Variants in RNF2 observed in about 807,000 individuals in gnomAD.
RNF2 encodes ring finger protein 2.
RNF2 carries 6 observed loss-of-function variants against 37.2 expected under a neutral mutation model. That is an observed-to-expected ratio of 0.16 (90% CI 0.09 to 0.32). RNF2 has a LOEUF of 0.32. Ranked by LOEUF, RNF2 falls within the 10% of genes least tolerant of loss-of-function variation. RNF2 has a pLI of 1.00. For missense variants in RNF2, 251 were observed against 404.0 expected (o/e 0.62, Z 3.25); for synonymous variants, 133 against 132.7 (o/e 1.00, Z -0.02).
chr1:185,063,370 T>G (rs550719691), intron 1 of RNF2, among the ~76,000 whole-genome samples: 6 of 152,330 alleles, frequency 3.9e-5, no homozygotes, highest in African/African-American at 1.2e-4. Flanking sequence ...TGTTTAAAAT[T>G]TCATCCAGAT....
At chr1:185,077,506 C>T (rs1406563112) in intron 1 of RNF2, among the ~76,000 whole-genome samples, 1 of 151,760 alleles carries the variant, frequency 6.6e-6, no homozygotes, top group Non-Finnish European at 1.5e-5. Flanking sequence ...CTTATTACGA[C>T]TTTTATTAGA....
intron 1 of RNF2, among the ~76,000 whole-genome samples, chr1:185,056,224 A>G (rs752910072): frequency 3.3e-4 from 50 of 151,920 alleles, no homozygotes; most frequent in Non-Finnish European, 5.9e-5. Flanking sequence ...AGATAACATT[A>G]TTAATGTCAG....
At chr1:185,091,818 CTTT>C (rs201420664) in intron 3 of RNF2, 79 bp downstream of exon 3, 1,157 of 1,050,104 alleles carry the variant, frequency 1.1e-3, no homozygotes, top group South Asian at 2.2e-3. Context: ...AATACATTTT[CTTT>C]TTTTTTTTTT....
At chr1:185,092,938 A>G (rs1651811293) in intron 3 of RNF2, 123 bp from the exon 4 acceptor site, 5 of 857,198 alleles carry the variant, frequency 5.8e-6, no homozygotes, top group East Asian at 2.7e-5. Context: ...ATTGGTTTAC[A>G]TTTCTGTGAC....
At chr1:185,083,252 C>T (rs1479432150) in intron 1 of RNF2, among the ~76,000 whole-genome samples, 3 of 151,986 alleles carry the variant, frequency 2.0e-5, no homozygotes, top group Non-Finnish European at 2.9e-5. Flanking sequence ...TAGATTTATT[C>T]GAAGGATTGT....
At position 185,055,087 on chromosome 1, in the gene RNF2, C is replaced by T. The variant is rs577312074; in HGVS notation, c.-3+9438C>T. 2.6e-5 allele frequency among the ~76,000 whole-genome samples: 4 copies of T among 152,350 alleles called. No individual in the cohort carries two copies. The East Asian group carries it at 7.7e-4, about 29-fold the overall frequency. Reference sequence around the variant, plus strand: ...TACACATGTAGGAACAAAACTATCACTTTGCAGATTGTTTAAATGACTAGG... The same window carrying T: ...TACACATGTAGGAACAAAACTATCATTTTGCAGATTGTTTAAATGACTAGG... On this transcript the variant is annotated intron_variant, in intron 1 of 6. Transcript: ENST00000367510.
Position 185,098,063 on chromosome 1 carries a change from C to T in RNF2, c.465-9C>T. ...AAATTTTATGCATCCTTTTTTCCCCCTTGACTAGACTGCAGCGAGGCAAGA... is the reference window on the plus strand; with the variant it reads ...AAATTTTATGCATCCTTTTTTCCCCTTTGACTAGACTGCAGCGAGGCAAGA... On this transcript the variant is annotated splice_polypyrimidine_tract_variant and intron_variant, in intron 4 of 6. Coordinates refer to ENST00000367510, the MANE Select transcript of RNF2 (RefSeq NM_007212.4). 1 of 1,611,990 alleles carries T rather than the reference C, an allele frequency of 6.2e-7. No individual in the cohort carries two copies. Among genetic ancestry groups the T allele is most frequent in the Non-Finnish European group, 8.5e-7 (1 of 1,178,786 alleles).
chr1:185,054,276 C>G (rs1650362493), intron 1 of RNF2, among the ~76,000 whole-genome samples: 1 of 152,190 alleles, frequency 6.6e-6, no homozygotes, highest in South Asian at 2.1e-4. Context: ...TGGCGGAAAA[C>G]GAACCCCCAG....
chr1:185,046,190 G>C (rs756044862), intron 1 of RNF2: 1 of 152,396 alleles, frequency 6.6e-6, no homozygotes, highest in South Asian at 2.1e-4. Flanking sequence ...TTCCAGTGTA[G>C]AGGAGCTCCT....
At position 185,054,671 on chromosome 1, in the gene RNF2, ATCTT is replaced by A. The variant is rs536142630; in HGVS notation, c.-3+9028_-3+9031del. 2.9e-3 allele frequency among the ~76,000 whole-genome samples: 434 copies of A among 152,132 alleles called. 3 individuals are homozygous for A. The highest frequency in any genetic ancestry group is 8.4e-3 in the African/African-American group (350 of 41,550). ...GACATGTCGCCTCAGTTTCTTTTTA[ATCTT>A]TCTTTGTGGGTTTTTTAAAATTTTT... is the stretch of plus-strand genomic sequence containing the variant. On this transcript the variant is annotated intron_variant, in intron 1 of 6. Coordinates refer to ENST00000367510, the MANE Select transcript of RNF2 (RefSeq NM_007212.4).
chr1:185,064,425 C>T (rs1650738536), intron 1 of RNF2, among the ~76,000 whole-genome samples: 1 of 152,106 alleles, frequency 6.6e-6, no homozygotes, highest in African/African-American at 2.4e-5. Flanking sequence ...AGATGGTCTC[C>T]AATTTACAGT....
At chr1:185,050,400 T>C (rs747413664) in intron 1 of RNF2, among the ~76,000 whole-genome samples, 53 of 152,364 alleles carry the variant, frequency 3.5e-4, no homozygotes, top group Non-Finnish European at 6.5e-4. Flanking sequence ...CCTGATTAAA[T>C]CCAATTTCAT....
intron 1 of RNF2, among the ~76,000 whole-genome samples, chr1:185,082,524 A>ATT (rs58437021): frequency 6.8e-6 from 1 of 146,256 alleles, no homozygotes; most frequent in African/African-American, 2.5e-5. Flanking sequence ...TAATTTTTTT[A>ATT]TTTTTTTTTT....
intron 4 of RNF2, among the ~76,000 whole-genome samples, chr1:185,096,903 T>C (rs1219297023): frequency 1.3e-5 from 2 of 152,014 alleles, no homozygotes; most frequent in Non-Finnish European, 2.9e-5. Context: ...TGTTATTTCT[T>C]TGTTCTGGCA....
intron 1 of RNF2, among the ~76,000 whole-genome samples, chr1:185,067,868 G>A (rs1027203868): frequency 1.9e-4 from 28 of 149,622 alleles, no homozygotes; most frequent in Non-Finnish European, 2.7e-4. Flanking sequence ...CTGCCACCAC[G>A]CCCAGCTAAT....
chr1:185,079,884 C>G (rs768356894), intron 1 of RNF2, among the ~76,000 whole-genome samples: 3 of 151,752 alleles, frequency 2.0e-5, no homozygotes, highest in African/African-American at 7.3e-5. Flanking sequence ...GAGCTGAGAT[C>G]GCGCCACTGC....
chr1:185,093,905 A>T (rs968964615), intron 4 of RNF2, among the ~76,000 whole-genome samples: 3 of 152,058 alleles, frequency 2.0e-5, no homozygotes, highest in African/African-American at 7.2e-5. Context: ...TATCTTACTC[A>T]GTTTCATAGT....
At chr1:185,092,914 G>A in intron 3 of RNF2, 147 bp from the exon 4 acceptor site, 1 of 754,422 alleles carries the variant, frequency 1.3e-6, no homozygotes, top group Non-Finnish European at 2.1e-6. Flanking sequence ...AGATTTTCAA[G>A]GAAATTCAGG....
chr1:185,098,646 G>A (rs1303749824), intron 5 of RNF2, among the ~76,000 whole-genome samples: 2 of 152,144 alleles, frequency 1.3e-5, no homozygotes, highest in African/African-American at 2.4e-5. Flanking sequence ...GAATGGCTAC[G>A]TTACCACTGT....
Sources: allele counts gnomAD v4.1 joint callset (sites outside exome capture counted in the v4.1 genomes callset), GRCh38; gene constraint gnomAD v4.1.1; transcripts MANE v1.5; gene names NCBI Gene and HGNC (gene_info 2026-07-23, HGNC 2026-07-21).